EHHADH: variants seen among roughly 807,000 people sequenced by gnomAD.
EHHADH encodes the protein peroxisomal bifunctional enzyme.
EHHADH carries 48 observed loss-of-function variants against 64.4 expected under a neutral mutation model. That is an observed-to-expected ratio of 0.75 (90% CI 0.59 to 0.95). EHHADH has a LOEUF of 0.95. EHHADH is among the 40% of genes least tolerant of loss of function. The pLI is 0.00. For missense variants in EHHADH, 854 were observed against 876.6 expected, an observed-to-expected ratio of 0.97 and a Z score of 0.33; for synonymous variants, 308 against 326.7, an observed-to-expected ratio of 0.94 and a Z score of 0.62.
At chr3:185,242,149 T>C (rs1479192222) in intron 2 of EHHADH, among the ~76,000 whole-genome samples, 1 of 152,140 alleles carries the variant, frequency 6.6e-6, no homozygotes, top group East Asian at 1.9e-4. Context: ...AACAAAACAC[T>C]GCTGAAAGAA....
At chr3:185,212,320 T>C (rs889604223) in intron 5 of EHHADH, among the ~76,000 whole-genome samples, 11 of 152,180 alleles carry the variant, frequency 7.2e-5, no homozygotes, top group African/African-American at 2.4e-4. Context: ...AATACGAACA[T>C]TAAAATGCAT....
intron 5 of EHHADH, among the ~76,000 whole-genome samples, chr3:185,209,218 T>C (rs1003601178): frequency 1.3e-5 from 2 of 152,174 alleles, no homozygotes; most frequent in African/African-American, 4.8e-5. Context: ...ACCATTTTAT[T>C]GAAGAACATA....
rs879065101 is a variant in EHHADH, at chr3:185,253,236, TAA to T, written c.74+711_74+712del. 7.4e-4 allele frequency: 69 copies of T among 93,766 alleles called. No individual in the cohort carries two copies. In the Middle Eastern group the frequency reaches 0.012, roughly 16 times the overall value. 5.8% of individuals were successfully genotyped at this position (93,766 alleles called of 1,614,324 possible). A position where few individuals can be genotyped will look rare whatever the true frequency, so the allele number is the denominator to read the frequency against. On this transcript the variant is annotated intron_variant, in intron 1 of 6. Transcript: ENST00000231887. ...CTGGCATTAGTGGGACTTTTAACAT[TAA>T]AAAAAAAAAAAAAAAAAGTCCCACT...
chr3:185,228,956 A>G lies in EHHADH; in HGVS notation c.463+476T>C, dbSNP rs554837177. Among the ~76,000 whole-genome samples, 3 of 152,064 alleles carry G rather than the reference A, an allele frequency of 2.0e-5. No individual in the cohort carries two copies. The South Asian group carries it at 6.2e-4, about 32-fold the overall frequency. Reference sequence around the variant, plus strand: ...GTAGCTGGGATTACAGGTGCCTGCCACCATGCCCAGGTAATTTTTTTGTAT... The same window carrying G: ...GTAGCTGGGATTACAGGTGCCTGCCGCCATGCCCAGGTAATTTTTTTGTAT... On this transcript the variant is annotated intron_variant, in intron 4 of 6. Coordinates refer to ENST00000231887, the MANE Select transcript of EHHADH (RefSeq NM_001966.4).
intron 2 of EHHADH, among the ~76,000 whole-genome samples, chr3:185,240,362 C>T (rs1339725072): frequency 6.6e-6 from 1 of 151,326 alleles, no homozygotes; most frequent in African/African-American, 2.4e-5. Context: ...CTTCTTTGCA[C>T]ATCTGGTAAA....
chr3:185,202,790 A>G (rs1449187486), intron 6 of EHHADH, among the ~76,000 whole-genome samples: 1 of 152,314 alleles, frequency 6.6e-6, no homozygotes, highest in East Asian at 1.9e-4. Flanking sequence ...CCAATCCGTG[A>G]AAAATTGTAT....
chr3:185,227,028 T>C (rs1718997394), intron 4 of EHHADH, among the ~76,000 whole-genome samples: 1 of 152,214 alleles, frequency 6.6e-6, no homozygotes. Context: ...GAGAGAAAAT[T>C]AATAATTGCT....
At chr3:185,215,616 A>C (rs1415254374) in intron 5 of EHHADH, among the ~76,000 whole-genome samples, 1 of 152,122 alleles carries the variant, frequency 6.6e-6, no homozygotes, top group Non-Finnish European at 1.5e-5. Flanking sequence ...AATTCACCAA[A>C]CTCCCCCTTA....
At chr3:185,239,071 C>G (rs1360215984) in intron 2 of EHHADH, among the ~76,000 whole-genome samples, 1 of 151,886 alleles carries the variant, frequency 6.6e-6, no homozygotes, top group Non-Finnish European at 1.5e-5. Flanking sequence ...TTTTTGTTGA[C>G]TTTATTGAAG....
chr3:185,193,060 A>T lies in EHHADH; in HGVS notation c.1338T>A (p.Ile446=). ...PAHVMKLLEV[I]PSQYSSPTTI... ...TAGTGGGGGAAGAGTATTGGCTGGG[A>T]ATAACCTCTAACAACTTCATGACAT... Residue 446 remains isoleucine (I), a synonymous_variant, in exon 7 of 7, where the codon ATT becomes ATA. Transcript: ENST00000231887. The T allele has an allele frequency of 1.2e-6, 2 of 1,614,150 alleles. No homozygotes were observed. The highest frequency in any genetic ancestry group is 1.7e-6 in the Non-Finnish European group (2 of 1,180,014).
At position 185,253,774 on chromosome 3, in the gene EHHADH, A is replaced by AG. The variant is rs1232115189; in HGVS notation, c.74+174_74+175insC. ...GCTAATCTAGGTTAAAAAAAAAAAAAAAGAAAAGAAAAAGAAAGAAAGAAA... is the reference window on the plus strand; with the variant it reads ...GCTAATCTAGGTTAAAAAAAAAAAAAGAAGAAAAGAAAAAGAAAGAAAGAAA... On this transcript the variant is annotated intron_variant, in intron 1 of 6. Transcript: ENST00000231887. 17 of 1,347,178 alleles carry AG rather than the reference A, an allele frequency of 1.3e-5. No individual in the cohort carries two copies. In the African/African-American group the frequency reaches 2.0e-4, roughly 16 times the overall value. 83.5% of individuals were successfully genotyped at this position (1,347,178 alleles called of 1,614,324 possible).
At chr3:185,250,739 T>C (rs1052161131) in intron 1 of EHHADH, among the ~76,000 whole-genome samples, 30 of 152,352 alleles carry the variant, frequency 2.0e-4, no homozygotes, top group African/African-American at 5.3e-4. Context: ...ACTTTTCACC[T>C]CTTAACCTAG....
intron 6 of EHHADH, among the ~76,000 whole-genome samples, chr3:185,195,811 C>G (rs1718043306): frequency 6.6e-6 from 1 of 152,146 alleles, no homozygotes; most frequent in African/African-American, 2.4e-5. Flanking sequence ...AGTTGAAAAC[C>G]TACCTATCGG....
chr3:185,248,110 G>A, intron 2 of EHHADH: 1 of 247,528 alleles, frequency 4.0e-6, no homozygotes, highest in Non-Finnish European at 7.7e-6. Context: ...AAAGAGATTT[G>A]CCCAAGCCCA....
chr3:185,253,670 G>A (rs1235562304), intron 1 of EHHADH, among the ~76,000 whole-genome samples: 1 of 150,982 alleles, frequency 6.6e-6, no homozygotes, highest in Admixed American at 6.6e-5. Context: ...AACTCCCTAA[G>A]TGTTGATCTG....
Position 185,219,600 on chromosome 3 carries a change from C to A in EHHADH, c.464-1360G>T, listed in dbSNP as rs149149301. On this transcript the variant is annotated intron_variant, in intron 4 of 6. Transcript: ENST00000231887. ...AGTTGTAAATATGCAATTTGATCTG[C>A]ATATTCTGAGGTAAGAGGTAGGGGA... Among the ~76,000 whole-genome samples the A allele has an allele frequency of 9.7e-4, 148 of 152,308 alleles. 1 individual carries two copies. Among genetic ancestry groups the A allele is most frequent in the Non-Finnish European group, 1.7e-3 (118 of 68,024 alleles).
intron 1 of EHHADH, among the ~76,000 whole-genome samples, chr3:185,249,132 G>C (rs1406502607): frequency 6.6e-6 from 1 of 151,894 alleles, no homozygotes; most frequent in Non-Finnish European, 1.5e-5. Context: ...GATATGGTTT[G>C]GCTCTTTTTT....
intron 2 of EHHADH, chr3:185,246,546 AG>A (rs1462957609): frequency 4.1e-6 from 1 of 245,908 alleles, no homozygotes; most frequent in Admixed American, 5.2e-5. Flanking sequence ...CCACCGCACT[AG>A]GCTCTTGCAT....
chr3:185,245,846 TTC>T (rs1407467565), intron 2 of EHHADH: 15 of 920,754 alleles, frequency 1.6e-5, no homozygotes, highest in Non-Finnish European at 2.1e-5. Flanking sequence ...CATAACGAAT[TTC>T]TTTTTCTCCC....
Sources: allele counts gnomAD v4.1 joint callset (sites outside exome capture counted in the v4.1 genomes callset), GRCh38; gene constraint gnomAD v4.1.1; transcripts MANE v1.5; gene names NCBI Gene and HGNC (gene_info 2026-07-23, HGNC 2026-07-21).